The following PLXNA4 variants were observed in gnomAD, a reference collection of about 807,000 sequenced individuals.
PLXNA4 encodes the protein plexin-A4.
Under a neutral mutation model 191.8 loss-of-function variants are expected in PLXNA4, and 44 were observed. That is an observed-to-expected ratio of 0.23 (90% confidence interval 0.18 to 0.29). The LOEUF (loss-of-function observed/expected upper bound fraction) is 0.29, where lower values mean the gene tolerates loss of function less well. Ranked by LOEUF, PLXNA4 falls within the 10% of genes least tolerant of loss-of-function variation. The probability of loss-of-function intolerance (pLI) is 1.00; values close to 1 mark genes in which losing one functional copy is unlikely to be tolerated. For synonymous variants in PLXNA4, 1,082 were observed against 1,009.5 expected (o/e 1.07, Z -1.36); for missense variants, 1,800 against 2,488.8 (o/e 0.72, Z 5.89).
At chr7:132,382,013 G>A (rs1804914638) in intron 3 of PLXNA4, among the ~76,000 whole-genome samples, 1 of 118,012 alleles carries the variant, frequency 8.5e-6, no homozygotes, top group African/African-American at 4.8e-5. Flanking sequence ...TGCTTTGAGA[G>A]AGAGGAGGGG....
At chr7:132,181,321 C>T (rs1277668717) in intron 18 of PLXNA4, 60 bp downstream of exon 18, 2 of 1,601,516 alleles carry the variant, frequency 1.2e-6, no homozygotes, top group Admixed American at 3.4e-5. Context: ...ACTTGAACAC[C>T]CCCTTCCATG....
chr7:132,181,959 A>C, intron 17 of PLXNA4, 138 bp downstream of exon 17: 1 of 1,383,840 alleles, frequency 7.2e-7, no homozygotes, highest in South Asian at 1.3e-5. Flanking sequence ...CCACTATCCT[A>C]GTATTCAAGG....
At chr7:132,191,175 G>A (rs141025096) in intron 14 of PLXNA4, among the ~76,000 whole-genome samples, 6 of 152,292 alleles carry the variant, frequency 3.9e-5, no homozygotes, top group Admixed American at 6.5e-5. Context: ...TTGAGGTGGC[G>A]GCTGACATGA....
intron 3 of PLXNA4, among the ~76,000 whole-genome samples, chr7:132,483,517 T>C (rs1255150858): frequency 6.6e-6 from 1 of 152,250 alleles, no homozygotes; most frequent in African/African-American, 2.4e-5. Flanking sequence ...CACAATATTT[T>C]ACTTCAATTG....
intron 1 of PLXNA4, among the ~76,000 whole-genome samples, chr7:132,562,607 CCTT>C (rs1447881805): frequency 1.6e-5 from 2 of 126,500 alleles, no homozygotes; most frequent in Admixed American, 7.5e-5. Context: ...TCCTCCTCCT[CCTT>C]CTCCTCCTCT....
At chr7:132,405,551 G>A (rs977764559) in intron 3 of PLXNA4, among the ~76,000 whole-genome samples, 9 of 152,192 alleles carry the variant, frequency 5.9e-5, no homozygotes, top group African/African-American at 1.9e-4. Context: ...ACAGCTCTCG[G>A]TCCTCCCAGG....
Position 132,268,944 on chromosome 7 carries a change from G to A in PLXNA4, c.1504-27778C>T, listed in dbSNP as rs576597873. 8.5e-5 allele frequency among the ~76,000 whole-genome samples: 13 copies of A among 152,320 alleles called. No homozygotes were observed. The East Asian group carries it at 2.3e-3, about 27-fold the overall frequency. ...CGGTAGCACTTCATTTAGGGCTGGT[G>A]AAAGTCTCAGTTGGCAAGGCACTTG... On this transcript the variant is annotated intron_variant, in intron 4 of 31. Coordinates refer to ENST00000321063, the MANE Select transcript of PLXNA4 (RefSeq NM_020911.2).
At chr7:132,628,448 G>T (rs555941728) in intron 2 of PLXNA4, among the ~76,000 whole-genome samples, 1 of 151,496 alleles carries the variant, frequency 6.6e-6, no homozygotes, top group South Asian at 2.1e-4. Flanking sequence ...CTGTTAGAGT[G>T]TTTTTTTCTC....
chr7:132,585,403 A>T (rs1430694144), intron 2 of PLXNA4, among the ~76,000 whole-genome samples: 1 of 152,120 alleles, frequency 6.6e-6, no homozygotes, highest in Non-Finnish European at 1.5e-5. Flanking sequence ...GAAAAGCCAG[A>T]GACAGGCAAA....
intron 3 of PLXNA4, among the ~76,000 whole-genome samples, chr7:132,392,888 C>T (rs902689129): frequency 3.9e-5 from 6 of 152,098 alleles, no homozygotes; most frequent in African/African-American, 1.4e-4. Flanking sequence ...TTCACAAAAC[C>T]CAGGAGCCCT....
At chr7:132,370,151 G>A (rs1195990180) in intron 3 of PLXNA4, among the ~76,000 whole-genome samples, 1 of 151,930 alleles carries the variant, frequency 6.6e-6, no homozygotes, top group African/African-American at 2.4e-5. Flanking sequence ...AGCATTTAAT[G>A]CAGAAGAGGC....
intron 4 of PLXNA4, among the ~76,000 whole-genome samples, chr7:132,279,611 G>A (rs554575949): frequency 6.1e-4 from 92 of 151,962 alleles, no homozygotes; most frequent in Non-Finnish European, 9.9e-4. Flanking sequence ...ACTCAGTCTG[G>A]GAGACAGAGT....
intron 3 of PLXNA4, among the ~76,000 whole-genome samples, chr7:132,460,932 A>T (rs1243271253): frequency 1.3e-5 from 2 of 152,174 alleles, no homozygotes; most frequent in Non-Finnish European, 2.9e-5. Context: ...AAGCAGAAAG[A>T]TATTGCAGCC....
chr7:132,505,704 T>C (rs1798439539), intron 2 of PLXNA4, among the ~76,000 whole-genome samples: 1 of 152,192 alleles, frequency 6.6e-6, no homozygotes, highest in Non-Finnish European at 1.5e-5. Context: ...AAAATGAATT[T>C]TTAGGCCAAG....
Position 132,321,506 on chromosome 7 carries a change from G to A in PLXNA4, c.1372-23284C>T, listed in dbSNP as rs960707076. Among the ~76,000 whole-genome samples the A allele has an allele frequency of 4.6e-5, 7 of 152,150 alleles. No individual in the cohort carries two copies. The South Asian group carries it at 8.3e-4, about 18-fold the overall frequency. ...TGAGCAACTCCCATAAACAGCAGACGGTGGGTCACCTCTGACATCTGCTGT... is the reference window on the plus strand; with the variant it reads ...TGAGCAACTCCCATAAACAGCAGACAGTGGGTCACCTCTGACATCTGCTGT... On this transcript the variant is annotated intron_variant, in intron 3 of 31. Coordinates refer to ENST00000321063, the MANE Select transcript of PLXNA4 (RefSeq NM_020911.2).
rs1459318535 is a variant in PLXNA4 at position 132,180,742 on chromosome 7, T to C, written c.3493-10A>G. 1.9e-6 allele frequency: 3 copies of C among 1,610,924 alleles called. No homozygotes were observed. The highest frequency in any genetic ancestry group is 2.7e-5 in the African/African-American group (2 of 74,958). On this transcript the variant is annotated splice_polypyrimidine_tract_variant and intron_variant, in intron 18 of 31. Coordinates refer to ENST00000321063, the MANE Select transcript of PLXNA4 (RefSeq NM_020911.2). ...GGATCAGGTTCTTGCCCTGTACAAA[T>C]GGGAAAGCACCAGTTCCCACCCCAG...
At chr7:132,185,239 G>C in intron 16 of PLXNA4, 60 bp downstream of exon 16, 1 of 1,544,394 alleles carries the variant, frequency 6.5e-7, no homozygotes, top group Non-Finnish European at 8.7e-7. Flanking sequence ...TGGCTTTCAA[G>C]AGTCAGGGAA....
At chr7:132,571,818 T>C (rs979119219) in intron 1 of PLXNA4, among the ~76,000 whole-genome samples, 3 of 152,142 alleles carry the variant, frequency 2.0e-5, no homozygotes, top group Non-Finnish European at 4.4e-5. Flanking sequence ...AAAGTAAAGA[T>C]GGGAACTTCA....
At chr7:132,309,942 T>C (rs560635011) in intron 3 of PLXNA4, among the ~76,000 whole-genome samples, 1 of 152,256 alleles carries the variant, frequency 6.6e-6, no homozygotes, top group East Asian at 1.9e-4. Flanking sequence ...CACCTCCCTC[T>C]CCCTTCACAT....
Sources: gnomAD v4.1 joint callset for allele counts (sites outside exome capture counted in the v4.1 genomes callset) on GRCh38, gnomAD v4.1.1 for gene constraint, MANE v1.5 for transcripts, NCBI Gene and HGNC (gene_info 2026-07-23, HGNC 2026-07-21) for gene names.